The following ADAMTS12 variants were observed in gnomAD, a reference collection of about 807,000 sequenced individuals.
ADAMTS12 encodes the protein ADAM metallopeptidase with thrombospondin type 1 motif 12.
Under a neutral mutation model 167.8 loss-of-function variants are expected in ADAMTS12, and 118 were observed. That is an observed-to-expected ratio of 0.70 (90% CI 0.61 to 0.82). The LOEUF (loss-of-function observed/expected upper bound fraction) is 0.82, where lower values mean the gene tolerates loss of function less well. Among genes scored for constraint, ADAMTS12 ranks in the 40% least tolerant of loss-of-function variants. The pLI is 0.00. For missense variants in ADAMTS12, 1,916 were observed against 1,998.8 expected, an observed-to-expected ratio of 0.96 and a Z score of 0.79; for synonymous variants, 704 against 716.9, an observed-to-expected ratio of 0.98 and a Z score of 0.29.
intron 23 of ADAMTS12, among the ~76,000 whole-genome samples, chr5:33,534,269 TGAAG>T (rs1744259999): frequency 2.0e-5 from 3 of 152,146 alleles, no homozygotes; most frequent in Admixed American, 6.5e-5. Context: ...AGGACCAGGC[TGAAG>T]CTAGGACTCA....
intron 2 of ADAMTS12, among the ~76,000 whole-genome samples, chr5:33,794,436 G>A (rs573042228): frequency 2.6e-5 from 4 of 152,356 alleles, no homozygotes; most frequent in African/African-American, 9.6e-5. Flanking sequence ...AGATGGTGCT[G>A]AGCCGGTGAG....
At chr5:33,648,602 A>T (rs11949958) in intron 9 of ADAMTS12, among the ~76,000 whole-genome samples, 1 of 152,080 alleles carries the variant, frequency 6.6e-6, no homozygotes, top group South Asian at 2.1e-4. Context: ...AACACCACCC[A>T]GTTGCAATGG....
chr5:33,728,724 G>A (rs1445831925), intron 3 of ADAMTS12, among the ~76,000 whole-genome samples: 1 of 152,246 alleles, frequency 6.6e-6, no homozygotes, highest in African/African-American at 2.4e-5. Flanking sequence ...AGCTCTGACT[G>A]TGTGTAGGAA....
intron 3 of ADAMTS12, among the ~76,000 whole-genome samples, chr5:33,715,228 T>G (rs767382316): frequency 6.6e-6 from 1 of 152,018 alleles, no homozygotes; most frequent in Non-Finnish European, 1.5e-5. Flanking sequence ...AACCCACAAT[T>G]ATGGAACAAG....
At chr5:33,815,790 A>G (rs564546102) in intron 2 of ADAMTS12, among the ~76,000 whole-genome samples, 9 of 152,282 alleles carry the variant, frequency 5.9e-5, no homozygotes, top group African/African-American at 2.2e-4. Context: ...TCCTAATTCC[A>G]TCTCCTCTAA....
intron 20 of ADAMTS12, among the ~76,000 whole-genome samples, chr5:33,557,936 T>C (rs1745558957): frequency 2.0e-5 from 3 of 152,038 alleles, no homozygotes; most frequent in Non-Finnish European, 4.4e-5. Flanking sequence ...GGGATATAGG[T>C]TGCACACTTC....
At chr5:33,747,124 G>A (rs1425399648) in intron 3 of ADAMTS12, among the ~76,000 whole-genome samples, 2 of 152,036 alleles carry the variant, frequency 1.3e-5, no homozygotes, top group African/African-American at 2.4e-5. Flanking sequence ...TTGCTCCGGG[G>A]AAAAAAGACA....
chr5:33,845,362 T>C (rs1191273282), intron 2 of ADAMTS12, among the ~76,000 whole-genome samples: 2 of 152,174 alleles, frequency 1.3e-5, no homozygotes, highest in Non-Finnish European at 2.9e-5. Context: ...AGCAAGAGCA[T>C]ACTCAAAGAA....
intron 2 of ADAMTS12, among the ~76,000 whole-genome samples, chr5:33,799,895 T>C (rs992781134): frequency 2.4e-4 from 37 of 152,110 alleles, no homozygotes; most frequent in Non-Finnish European, 4.7e-4. Context: ...TAAGGGCAAC[T>C]GAGACAAGGT....
At chr5:33,777,381 A>C (rs1160352216) in intron 2 of ADAMTS12, among the ~76,000 whole-genome samples, 1 of 152,108 alleles carries the variant, frequency 6.6e-6, no homozygotes, top group African/African-American at 2.4e-5. Context: ...TACACACAAA[A>C]ATTTTTAAAA....
At chr5:33,724,545 CTTT>C (rs763501455) in intron 3 of ADAMTS12, among the ~76,000 whole-genome samples, 4 of 132,738 alleles carry the variant, frequency 3.0e-5, no homozygotes, top group Admixed American at 7.6e-5. Context: ...CTAACAGCTT[CTTT>C]TTTTTTTTTT....
intron 2 of ADAMTS12, among the ~76,000 whole-genome samples, chr5:33,878,285 T>C (rs1750303653): frequency 6.6e-6 from 1 of 152,170 alleles, no homozygotes; most frequent in South Asian, 2.1e-4. Context: ...GTGCCTTTTT[T>C]TTTTTATAAC....
chr5:33,596,079 G>A lies in ADAMTS12; in HGVS notation c.2528-19C>T. 1 of 1,613,280 alleles carries A rather than the reference G, an allele frequency of 6.2e-7. No individual in the cohort carries two copies. The highest frequency in any genetic ancestry group is 8.5e-7 in the Non-Finnish European group (1 of 1,179,648). Reference sequence around the variant, plus strand: ...CGGATACCTGGGGGTCAGACAGAAAGATTCACACATATTGAATCCTGAGCC... The same window carrying A: ...CGGATACCTGGGGGTCAGACAGAAAAATTCACACATATTGAATCCTGAGCC... On this transcript the variant is annotated intron_variant, in intron 16 of 23. Transcript: ENST00000504830.
At chr5:33,705,039 T>C (rs956714119) in intron 3 of ADAMTS12, among the ~76,000 whole-genome samples, 1 of 152,074 alleles carries the variant, frequency 6.6e-6, no homozygotes, top group Non-Finnish European at 1.5e-5. Flanking sequence ...TGGTTATTCC[T>C]TTTTATTCCT....
intron 2 of ADAMTS12, among the ~76,000 whole-genome samples, chr5:33,845,349 G>A (rs1748904841): frequency 6.6e-6 from 1 of 152,172 alleles, no homozygotes; most frequent in Admixed American, 6.5e-5. Flanking sequence ...TATTGTCCCA[G>A]AAAGCAAGAG....
chr5:33,793,712 A>G (rs1746664058), intron 2 of ADAMTS12, among the ~76,000 whole-genome samples: 1 of 152,142 alleles, frequency 6.6e-6, no homozygotes, highest in South Asian at 2.1e-4. Context: ...GCCGGCAGTC[A>G]CAGGCCTCAC....
chr5:33,891,525 A>G (rs1013939244), intron 1 of ADAMTS12: 25 of 653,786 alleles, frequency 3.8e-5, no homozygotes, highest in Non-Finnish European at 6.0e-5. Context: ...TCACCTTTCT[A>G]TAAGAATGAA....
intron 18 of ADAMTS12, among the ~76,000 whole-genome samples, chr5:33,587,832 T>C (rs1747432676): frequency 6.6e-6 from 1 of 150,632 alleles, no homozygotes; most frequent in Non-Finnish European, 1.5e-5. Flanking sequence ...TGTTAATTTT[T>C]AAAAAACATG....
chr5:33,784,530 G>C (rs1746262100), intron 2 of ADAMTS12, among the ~76,000 whole-genome samples: 1 of 151,936 alleles, frequency 6.6e-6, no homozygotes, highest in African/African-American at 2.4e-5. Context: ...AAAAAAAATA[G>C]TTGTATTCTG....
Sources: allele counts gnomAD v4.1 joint callset (sites outside exome capture counted in the v4.1 genomes callset), GRCh38; gene constraint gnomAD v4.1.1; transcripts MANE v1.5; gene names NCBI Gene and HGNC (gene_info 2026-07-23, HGNC 2026-07-21).